FRY: variants seen among roughly 807,000 people sequenced by gnomAD.
FRY encodes the protein protein furry homolog.
FRY carries 128 observed loss-of-function variants against 348.4 expected under a neutral mutation model. That is an observed-to-expected ratio of 0.37 (90% CI 0.32 to 0.43). The LOEUF is 0.43. Ranked by LOEUF, FRY falls within the 20% of genes least tolerant of loss-of-function variation. The pLI, the probability that FRY is intolerant of heterozygous loss-of-function variation, is 1.00. For synonymous variants in FRY, 1,370 were observed against 1,374.7 expected, an observed-to-expected ratio of 1.00 and a Z score of 0.08; for missense variants, 2,736 against 3,695.2, an observed-to-expected ratio of 0.74 and a Z score of 6.73.
chr13:32,278,371 G>C, intron 57 of FRY, 94 bp from the exon 58 acceptor site: 2 of 772,506 alleles, frequency 2.6e-6, no homozygotes, highest in South Asian at 2.8e-5. Context: ...ACTATTATTA[G>C]AACTTTAATG....
chr13:32,254,201 A>G, intron 50 of FRY, 23 bp from the exon 51 acceptor site: 1 of 1,613,006 alleles, frequency 6.2e-7, no homozygotes, highest in East Asian at 2.2e-5. Context: ...ACGGTTTCTC[A>G]GGAGAGGACT....
At chr13:32,104,838 C>A (rs1466618648) in intron 3 of FRY, among the ~76,000 whole-genome samples, 1 of 152,066 alleles carries the variant, frequency 6.6e-6, no homozygotes, top group African/African-American at 2.4e-5. Flanking sequence ...AGAAGAGTTC[C>A]CCTGCATATG....
intron 14 of FRY, among the ~76,000 whole-genome samples, chr13:32,151,877 A>G (rs1411451141): frequency 6.6e-6 from 1 of 152,242 alleles, no homozygotes; most frequent in Non-Finnish European, 1.5e-5. Context: ...CACAGAGAAC[A>G]TGATTATTTA....
chr13:32,173,560 GTCT>G lies in FRY; in HGVS notation c.2334+15_2334+17del. ...CTGGGGCAGCCTGAGGTATGGATTA[GTCT>G]TCTGAATTTTTCCATTTCTTACTTT... On this transcript the variant is annotated intron_variant, in intron 19 of 60. Coordinates refer to ENST00000542859, the MANE Select transcript of FRY (RefSeq NM_023037.3). 6.2e-7 allele frequency: 1 copy of G among 1,603,804 alleles called. No homozygotes were observed. The highest frequency in any genetic ancestry group is 8.5e-7 in the Non-Finnish European group (1 of 1,171,376).
chr13:32,094,448 G>A (rs886448387), intron 2 of FRY, among the ~76,000 whole-genome samples: 1 of 151,820 alleles, frequency 6.6e-6, no homozygotes, highest in Non-Finnish European at 1.5e-5. Flanking sequence ...CAAATACTAG[G>A]TCTTATTCAT....
chr13:32,247,550 A>G, intron 48 of FRY, 48 bp downstream of exon 48: 2 of 1,390,046 alleles, frequency 1.4e-6, no homozygotes, highest in South Asian at 1.2e-5. Context: ...ATGAATTTGT[A>G]GTAGCAAAGA....
intron 31 of FRY, among the ~76,000 whole-genome samples, chr13:32,203,656 G>A (rs992212934): frequency 3.9e-5 from 6 of 152,088 alleles, no homozygotes; most frequent in African/African-American, 1.4e-4. Context: ...CCGGGAGGCA[G>A]CGATTGCAGT....
chr13:32,143,117 G>T (rs1349367184), intron 11 of FRY, among the ~76,000 whole-genome samples: 1 of 152,160 alleles, frequency 6.6e-6, no homozygotes, highest in Non-Finnish European at 1.5e-5. Context: ...TGGTACAAGG[G>T]AGCCAGGTCA....
At chr13:32,206,444 G>A (rs778776238) in intron 31 of FRY, among the ~76,000 whole-genome samples, 8 of 152,232 alleles carry the variant, frequency 5.3e-5, no homozygotes, top group Non-Finnish European at 8.8e-5. Flanking sequence ...ACTGTCAGTA[G>A]TTTCTGCAGG....
At chr13:32,287,787 C>G (rs1391585588) in intron 58 of FRY, 3 of 658,874 alleles carry the variant, frequency 4.6e-6, no homozygotes, top group South Asian at 1.7e-5. Context: ...GGAAAAGGGC[C>G]GTGCTTTCTG....
chr13:32,272,108 A>C (rs1466509373), intron 55 of FRY, among the ~76,000 whole-genome samples: 1 of 152,246 alleles, frequency 6.6e-6, no homozygotes, highest in African/African-American at 2.4e-5. Flanking sequence ...GCTATATGAA[A>C]GTAATACTTG....
At chr13:32,101,548 T>C (rs1052794397) in intron 2 of FRY, among the ~76,000 whole-genome samples, 1 of 152,206 alleles carries the variant, frequency 6.6e-6, no homozygotes, top group Non-Finnish European at 1.5e-5. Context: ...CCTCCATACT[T>C]TTTTCCACAG....
rs1886637031 is a variant in FRY, at chr13:32,243,893, A to T, written c.6688-149A>T. The T allele has an allele frequency of 4.9e-6, 4 of 813,512 alleles. No homozygotes were observed. The South Asian group carries it at 5.9e-5, about 12-fold the overall frequency. The allele number at this position is 813,512 out of a possible 1,614,324, so 50.4% of individuals were successfully genotyped here. The stretch of plus-strand genomic sequence containing the variant: ...GATCTCTTGAGGCCAGGAGTTCGAG[A>T]CTAGGCTGGGCAACATAGCAAGACC... On this transcript the variant is annotated intron_variant, in intron 46 of 60. Coordinates refer to ENST00000542859, the MANE Select transcript of FRY (RefSeq NM_023037.3).
chr13:32,081,986 A>T (rs1053029198), intron 2 of FRY, among the ~76,000 whole-genome samples: 1 of 152,200 alleles, frequency 6.6e-6, no homozygotes, highest in Non-Finnish European at 1.5e-5. Flanking sequence ...ATTGTATTCT[A>T]TTATTCTTAA....
chr13:32,248,777 A>G (rs1886929837), intron 48 of FRY, among the ~76,000 whole-genome samples: 1 of 152,112 alleles, frequency 6.6e-6, no homozygotes, highest in Admixed American at 6.5e-5. Context: ...TAGGGGGAAA[A>G]GCTATTTTTT....
intron 17 of FRY, among the ~76,000 whole-genome samples, chr13:32,164,934 C>T (rs1403899095): frequency 6.6e-6 from 1 of 152,214 alleles, no homozygotes; most frequent in Non-Finnish European, 1.5e-5. Context: ...GCACCAAGGG[C>T]TTGCTGTTGA....
At chr13:32,229,408 G>A (rs1459715301) in intron 40 of FRY, among the ~76,000 whole-genome samples, 1 of 152,132 alleles carries the variant, frequency 6.6e-6, no homozygotes, top group Non-Finnish European at 1.5e-5. Flanking sequence ...GCTTTCTTCA[G>A]CTAATGCATC....
At chr13:32,178,073 C>G in intron 20 of FRY, 104 bp from the exon 21 acceptor site, 1 of 1,234,600 alleles carries the variant, frequency 8.1e-7, no homozygotes, top group Non-Finnish European at 1.2e-6. Flanking sequence ...GCCCAGTGCA[C>G]TCAGCAAAAG....
intron 2 of FRY, among the ~76,000 whole-genome samples, chr13:32,101,542 C>A (rs561082985): frequency 1.3e-5 from 2 of 152,142 alleles, no homozygotes. Flanking sequence ...GAAAATCCTC[C>A]ATACTTTTTT....
Sources: gnomAD v4.1 joint callset for allele counts (sites outside exome capture counted in the v4.1 genomes callset) on GRCh38, gnomAD v4.1.1 for gene constraint, MANE v1.5 for transcripts, NCBI Gene and HGNC (gene_info 2026-07-23, HGNC 2026-07-21) for gene names.